COL22A1: variants seen among roughly 807,000 people sequenced by gnomAD.
COL22A1 encodes collagen type XXII alpha 1 chain.
Under a neutral mutation model 248.9 loss-of-function variants are expected in COL22A1, and 221 were observed. The ratio of observed to expected loss-of-function variants is 0.89; its 90% CI spans 0.80 to 0.99. The LOEUF (loss-of-function observed/expected upper bound fraction) is 0.99. Among genes scored for constraint, COL22A1 ranks in the 50% least tolerant of loss-of-function variants. The probability of loss-of-function intolerance (pLI) is 0.00; values close to 1 mark genes in which losing one functional copy is unlikely to be tolerated. For synonymous variants in COL22A1, 891 were observed against 793.4 expected (o/e 1.12, Z -2.07); for missense variants, 2,240 against 2,179.0 (o/e 1.03, Z -0.56).
Position 138,684,352 on chromosome 8 carries a change from A to G in COL22A1, c.3012+73T>C, listed in dbSNP as rs1405698503. The G allele has an allele frequency of 4.2e-6, 4 of 952,248 alleles. No individual in the cohort carries two copies. The Admixed American group carries it at 5.1e-5, about 12-fold the overall frequency. 59.0% of individuals were successfully genotyped at this position (952,248 alleles called of 1,614,324 possible). On this transcript the variant is annotated intron_variant, in intron 39 of 64. Transcript: ENST00000303045. Reference sequence around the variant, plus strand: ...TGGACTGAGGTAACCGGAGATGCTTATAATCAATTTTTCCACGTTCTCTTT... The same window carrying G: ...TGGACTGAGGTAACCGGAGATGCTTGTAATCAATTTTTCCACGTTCTCTTT...
At chr8:138,654,354 T>A (rs1020099766) in intron 45 of COL22A1, among the ~76,000 whole-genome samples, 2 of 152,216 alleles carry the variant, frequency 1.3e-5, no homozygotes, top group Non-Finnish European at 2.9e-5. Context: ...CAACAAAAAC[T>A]GGTAAAGATT....
chr8:138,689,681 C>G (rs372350093), intron 36 of COL22A1, among the ~76,000 whole-genome samples: 286 of 152,194 alleles, frequency 1.9e-3, no homozygotes, highest in African/African-American at 6.7e-3. Context: ...TGCCACTGCA[C>G]CCCAGCCTGG....
intron 46 of COL22A1, among the ~76,000 whole-genome samples, chr8:138,648,344 T>C (rs1822389848): frequency 2.6e-5 from 4 of 152,214 alleles, no homozygotes. Context: ...GAACAAGCAC[T>C]GCTTAAGGCT....
intron 10 of COL22A1, among the ~76,000 whole-genome samples, chr8:138,805,729 T>G: frequency 7.1e-6 from 1 of 141,660 alleles, no homozygotes; most frequent in African/African-American, 2.7e-5. Context: ...GTAGTGATGG[T>G]GTGTGTATAT....
intron 61 of COL22A1, 45 bp downstream of exon 61, chr8:138,598,674 A>C (rs373961627): frequency 6.4e-7 from 1 of 1,561,238 alleles, no homozygotes; most frequent in Non-Finnish European, 8.7e-7. Context: ...GCTCCCCCTT[A>C]GGCCCCGAGG....
chr8:138,665,204 G>A (rs1824388955), intron 41 of COL22A1, among the ~76,000 whole-genome samples: 1 of 151,852 alleles, frequency 6.6e-6, no homozygotes, highest in Admixed American at 6.6e-5. Flanking sequence ...CTGAGAAGCA[G>A]TGCCCTAAAT....
chr8:138,909,814 T>C (rs1410670122), intron 1 of COL22A1, among the ~76,000 whole-genome samples: 2 of 152,310 alleles, frequency 1.3e-5, no homozygotes, highest in Non-Finnish European at 2.9e-5. Context: ...GACTTCCCTT[T>C]GCTTGTGCCA....
At chr8:138,882,748 A>T in intron 2 of COL22A1, among the ~76,000 whole-genome samples, 1 of 148,754 alleles carries the variant, frequency 6.7e-6, no homozygotes. Context: ...AAACTCACAC[A>T]CATTCCCTCT....
chr8:138,803,294 T>A (rs1349640159), intron 10 of COL22A1, among the ~76,000 whole-genome samples: 3 of 152,172 alleles, frequency 2.0e-5, no homozygotes, highest in Non-Finnish European at 4.4e-5. Flanking sequence ...ACACCATTAC[T>A]GTCTTTGGGC....
chr8:138,904,988 T>C (rs1409509787), intron 1 of COL22A1, among the ~76,000 whole-genome samples: 1 of 152,198 alleles, frequency 6.6e-6, no homozygotes, highest in Non-Finnish European at 1.5e-5. Context: ...TAAGCCTCGG[T>C]TGCCTCATCT....
intron 63 of COL22A1, among the ~76,000 whole-genome samples, chr8:138,591,953 T>C (rs1476324583): frequency 6.6e-6 from 1 of 152,234 alleles, no homozygotes; most frequent in African/African-American, 2.4e-5. Flanking sequence ...TCTCCTCTTA[T>C]ATGTCTATGC....
At chr8:138,814,316 AATAC>A (rs1366992891) in intron 7 of COL22A1, among the ~76,000 whole-genome samples, 1 of 152,212 alleles carries the variant, frequency 6.6e-6, no homozygotes, top group Non-Finnish European at 1.5e-5. Flanking sequence ...CTGTTTTTCA[AATAC>A]ATCCACAGAT....
chr8:138,672,056 C>T (rs937978170), intron 41 of COL22A1, among the ~76,000 whole-genome samples: 1 of 152,178 alleles, frequency 6.6e-6, no homozygotes, highest in Admixed American at 6.5e-5. Context: ...AGCACCCCAA[C>T]TGTCACATTA....
At chr8:138,650,033 A>T (rs993773043) in intron 45 of COL22A1, among the ~76,000 whole-genome samples, 1 of 152,178 alleles carries the variant, frequency 6.6e-6, no homozygotes, top group Admixed American at 6.5e-5. Flanking sequence ...ATTTCCCCCT[A>T]TTTCCACCCA....
At chr8:138,671,496 C>T (rs73449701) in intron 41 of COL22A1, among the ~76,000 whole-genome samples, 10,800 of 152,234 alleles carry the variant, frequency 0.071, 419 homozygotes, top group Non-Finnish European at 0.074. Context: ...TTAAATGCTG[C>T]GTGATTCTAA....
intron 38 of COL22A1, 48 bp from the exon 39 acceptor site, chr8:138,684,517 A>C: frequency 7.2e-7 from 1 of 1,380,096 alleles, no homozygotes; most frequent in Non-Finnish European, 1.0e-6. Flanking sequence ...GAGAGTGAAC[A>C]CTGACCCATC....
chr8:138,871,178 G>A (rs572412538), intron 3 of COL22A1, among the ~76,000 whole-genome samples: 20 of 152,216 alleles, frequency 1.3e-4, no homozygotes, highest in Admixed American at 8.5e-4. Context: ...CCTCCCTGCC[G>A]TCCCCTGGGA....
chr8:138,830,511 T>C (rs1299083476), intron 5 of COL22A1, among the ~76,000 whole-genome samples: 5 of 152,182 alleles, frequency 3.3e-5, no homozygotes, highest in Non-Finnish European at 7.3e-5. Context: ...TTTGATTTTG[T>C]TTTGGGTGCT....
intron 62 of COL22A1, among the ~76,000 whole-genome samples, chr8:138,596,469 C>T (rs944327562): frequency 6.6e-6 from 1 of 152,158 alleles, no homozygotes; most frequent in Non-Finnish European, 1.5e-5. Context: ...TCTTTTAATG[C>T]CTGCTGTGAC....
Sources: allele counts gnomAD v4.1 joint callset (sites outside exome capture counted in the v4.1 genomes callset), GRCh38; gene constraint gnomAD v4.1.1; transcripts MANE v1.5; gene names NCBI Gene and HGNC (gene_info 2026-07-23, HGNC 2026-07-21).